The following TSPEAR variants were observed in gnomAD, a reference collection of about 807,000 sequenced individuals.
TSPEAR encodes the protein thrombospondin type laminin G domain and EAR repeats, also known as thrombospondin-type laminin G domain and EAR repeat-containing protein.
Under a neutral mutation model 71.6 loss-of-function variants are expected in TSPEAR, and 69 were observed. The observed-to-expected ratio is 0.96, with a 90% CI of 0.79 to 1.18. TSPEAR has a LOEUF of 1.18. Ranked by LOEUF, TSPEAR falls within the 50% of genes most tolerant of loss-of-function variation. TSPEAR has a pLI of 0.00. For synonymous variants in TSPEAR, 402 were observed against 387.2 expected (o/e 1.04, Z -0.45); for missense variants, 971 against 894.9 (o/e 1.09, Z -1.09).
intron 10 of TSPEAR, chr21:44,508,523 G>T: frequency 1.8e-6 from 2 of 1,101,556 alleles, no homozygotes; most frequent in Non-Finnish European, 2.2e-6. Flanking sequence ...TTCGATTGCA[G>T]GTTTATTCAC....
intron 1 of TSPEAR, among the ~76,000 whole-genome samples, chr21:44,573,018 C>A (rs1978289620): frequency 6.6e-6 from 1 of 152,034 alleles, no homozygotes; most frequent in Admixed American, 6.5e-5. Context: ...TCAGAAGGAA[C>A]CCATGCTGTC....
intron 7 of TSPEAR, among the ~76,000 whole-genome samples, chr21:44,526,447 A>C (rs188649272): frequency 1.9e-4 from 29 of 151,240 alleles, no homozygotes; most frequent in Middle Eastern, 3.4e-3. Context: ...CTTTGATGCA[A>C]AGTTTTTTTT....
chr21:44,625,260 AG>A (rs1189797820), intron 1 of TSPEAR, among the ~76,000 whole-genome samples: 3 of 152,292 alleles, frequency 2.0e-5, no homozygotes, highest in Non-Finnish European at 4.4e-5. Context: ...AGCACAGCAA[AG>A]AAAATGAGCA....
At chr21:44,540,373 G>A (rs1372853987) in intron 2 of TSPEAR, among the ~76,000 whole-genome samples, 1 of 152,122 alleles carries the variant, frequency 6.6e-6, no homozygotes, top group Non-Finnish European at 1.5e-5. Context: ...CTGTGATGTG[G>A]CCCAGGTCAT....
chr21:44,581,833 T>C (rs1416824029), intron 1 of TSPEAR, among the ~76,000 whole-genome samples: 5 of 152,330 alleles, frequency 3.3e-5, no homozygotes, highest in Admixed American at 6.5e-5. Flanking sequence ...GCTCTGCTCA[T>C]TGGTGGCAGT....
chr21:44,600,698 ACT>A, intron 1 of TSPEAR: 1 of 1,613,124 alleles, frequency 6.2e-7, no homozygotes, highest in African/African-American at 1.3e-5. Flanking sequence ...GGTTCCTGTG[ACT>A]CTTGCTCCGA....
chr21:44,644,663 A>C (rs1984204423), intron 1 of TSPEAR, among the ~76,000 whole-genome samples: 1 of 152,220 alleles, frequency 6.6e-6, no homozygotes, highest in Non-Finnish European at 1.5e-5. Context: ...CCAAGGAAAC[A>C]AGAAAAAAAC....
At chr21:44,509,174 C>G (rs1569151812) in intron 10 of TSPEAR, 25 bp downstream of exon 10, 1 of 1,606,472 alleles carries the variant, frequency 6.2e-7, no homozygotes, top group East Asian at 2.2e-5. Context: ...CAGCCCACCT[C>G]CCACTGGCCT....
In TSPEAR at chr21:44,680,845, T is replaced by C. The variant is rs11911703; in HGVS notation, c.82+30588A>G. On this transcript the variant is annotated intron_variant, in intron 1 of 11. Coordinates refer to ENST00000323084, the MANE Select transcript of TSPEAR (RefSeq NM_144991.3). ...ATGGAAGTAGAGAGTAGAATGATAT[T>C]ACCAGAGGTGAAGAACGGTGTGTGT... Among the ~76,000 whole-genome samples the C allele has an allele frequency of 6.3e-3, 962 of 152,372 alleles. 7 individuals carry two copies. Among genetic ancestry groups the C allele is most frequent in the African/African-American group, 0.022 (920 of 41,576 alleles).
intron 9 of TSPEAR, chr21:44,519,979 AC>A: frequency 6.6e-6 from 1 of 152,114 alleles, no homozygotes; most frequent in Non-Finnish European, 1.5e-5. Context: ...AATCTTGCTC[AC>A]CCCCAATCCC....
At chr21:44,504,912 A>G (rs782241174) in intron 10 of TSPEAR, 31 bp from the exon 11 acceptor site, 2 of 1,554,898 alleles carry the variant, frequency 1.3e-6, no homozygotes, top group East Asian at 2.2e-5. Flanking sequence ...ATATTAGGAC[A>G]CAACAGACAT....
In TSPEAR at chr21:44,593,728, C is replaced by A. The variant is rs991661096; in HGVS notation, c.83-25723G>T. 1.3e-5 allele frequency among the ~76,000 whole-genome samples: 2 copies of A among 152,312 alleles called. No individual in the cohort carries two copies. Among genetic ancestry groups the A allele is most frequent in the African/African-American group, 2.4e-5 (1 of 41,566 alleles). On this transcript the variant is annotated intron_variant, in intron 1 of 11. Coordinates refer to ENST00000323084, the MANE Select transcript of TSPEAR (RefSeq NM_144991.3). This position sits in a 1 kb window ranked among gnomAD's most constrained non-coding sequence, Gnocchi z 5.9. ...AAACAGGACCTCAGGCCGCGCCAGG[C>A]AAGGGACAAGCCGCGTGCCCTACAC...
rs782392935 is a variant in TSPEAR at position 44,590,737 on chromosome 21, T to TG, written c.83-22733dup. Among the ~76,000 whole-genome samples the TG allele has an allele frequency of 2.8e-3, 418 of 151,754 alleles. 2 individuals carry two copies. Among genetic ancestry groups the TG allele is most frequent in the Admixed American group, 6.6e-3 (101 of 15,246 alleles). ...CTACCCCAGTCCTGGGGGGCAGCCA[T>TG]GAGCTGGGGAGGGTGAATGTGGCTC... On this transcript the variant is annotated intron_variant, in intron 1 of 11. Transcript: ENST00000323084.
In TSPEAR at chr21:44,591,247, C is replaced by G. The variant is rs949756279; in HGVS notation, c.83-23242G>C. 55 of 1,446,992 alleles carry G rather than the reference C, an allele frequency of 3.8e-5. No individual in the cohort carries two copies. The East Asian group carries it at 1.3e-3, about 33-fold the overall frequency. 89.6% of individuals were successfully genotyped at this position (1,446,992 alleles called of 1,614,324 possible). A position where few individuals can be genotyped will look rare whatever the true frequency, so the allele number is the denominator to read the frequency against. ...TCATGCAGCCAGCATCTGGGAAGGACAGGGGGAGCATCCTGGTCCCTAAGA... is the reference window on the plus strand; with the variant it reads ...TCATGCAGCCAGCATCTGGGAAGGAGAGGGGGAGCATCCTGGTCCCTAAGA... On this transcript the variant is annotated intron_variant, in intron 1 of 11. Coordinates refer to ENST00000323084, the MANE Select transcript of TSPEAR (RefSeq NM_144991.3).
At chr21:44,708,878 G>A (rs782103184) in intron 1 of TSPEAR, among the ~76,000 whole-genome samples, 1 of 152,246 alleles carries the variant, frequency 6.6e-6, no homozygotes, top group South Asian at 2.1e-4. Flanking sequence ...CATCCCGGGT[G>A]GGGGCACGGC....
rs587718875 is a variant in TSPEAR, at chr21:44,551,642, A to G, written c.303+16143T>C. ...TTCCGTGTTGGTGTTTGGAGCCGGG[A>G]GGACCCTCATTATTTCTGCTTCCTT... On this transcript the variant is annotated intron_variant, in intron 2 of 11. Coordinates refer to ENST00000323084, the MANE Select transcript of TSPEAR (RefSeq NM_144991.3). The G allele has an allele frequency of 9.7e-5, 81 of 832,160 alleles. 1 individual carries two copies. The African/African-American group carries it at 1.3e-3, about 14-fold the overall frequency. The allele number at this position is 832,160 out of a possible 1,614,324, so 51.5% of individuals were successfully genotyped here.
chr21:44,635,115 C>A (rs139067941), intron 1 of TSPEAR, among the ~76,000 whole-genome samples: 1 of 151,938 alleles, frequency 6.6e-6, no homozygotes, highest in Non-Finnish European at 1.5e-5. Context: ...GAGGCCGAGG[C>A]GGGAGGATCA....
chr21:44,514,520 G>A (rs755165393), intron 9 of TSPEAR, among the ~76,000 whole-genome samples: 6 of 152,178 alleles, frequency 3.9e-5, no homozygotes, highest in Non-Finnish European at 5.9e-5. Flanking sequence ...CCCACATGCC[G>A]ACAGCTGCAA....
chr21:44,594,000 G>A lies in TSPEAR; in HGVS notation c.83-25995C>T, dbSNP rs1397467195. Among the ~76,000 whole-genome samples the A allele has an allele frequency of 5.9e-5, 9 of 152,350 alleles. No individual in the cohort carries two copies. Among genetic ancestry groups the A allele is most frequent in the South Asian group, 2.1e-4 (1 of 4,828 alleles). ...GCTCCAGCCGGTTTACAGAGGCTGT[G>A]CACTGGAGTGCCTTTGTGTCCTGAG... On this transcript the variant is annotated intron_variant, in intron 1 of 11. Transcript: ENST00000323084. This position sits in a 1 kb window ranked among gnomAD's most constrained non-coding sequence, Gnocchi z 5.9.
Sources: gnomAD v4.1 joint callset for allele counts (sites outside exome capture counted in the v4.1 genomes callset) on GRCh38, gnomAD v4.1.1 for gene constraint, Gnocchi (gnomAD v3.1) non-coding constraint, MANE v1.5 for transcripts, NCBI Gene and HGNC (gene_info 2026-07-23, HGNC 2026-07-21) for gene names.